The following TENM3 variants were observed in gnomAD, a reference collection of about 807,000 sequenced individuals.
TENM3 encodes the protein teneurin transmembrane protein 3.
TENM3 carries 63 observed loss-of-function variants against 255.1 expected under a neutral mutation model. The observed-to-expected ratio is 0.25, with a 90% CI of 0.20 to 0.30. The LOEUF (loss-of-function observed/expected upper bound fraction) is 0.30, where lower values mean the gene tolerates loss of function less well. Ranked by LOEUF, TENM3 falls within the 10% of genes least tolerant of loss-of-function variation. The probability of loss-of-function intolerance (pLI) is 1.00; values close to 1 mark genes in which losing one functional copy is unlikely to be tolerated. For synonymous variants in TENM3, 1,306 were observed against 1,322.3 expected, an observed-to-expected ratio of 0.99 and a Z score of 0.27; for missense variants, 2,929 against 3,461.1, an observed-to-expected ratio of 0.85 and a Z score of 3.86.
At chr4:181,735,946 G>T in the TENM3 span, among the ~76,000 whole-genome samples, 2 of 152,198 alleles carry the variant, frequency 1.3e-5, no homozygotes, top group Non-Finnish European at 2.9e-5. Flanking sequence ...TGCTACGTGT[G>T]ATTTTGAACC....
the TENM3 span, among the ~76,000 whole-genome samples, chr4:182,117,827 A>G: frequency 6.6e-6 from 1 of 152,160 alleles, no homozygotes; most frequent in Non-Finnish European, 1.5e-5. Context: ...ATGCACAAAA[A>G]AACTTACTAA....
chr4:182,520,457 A>G (rs979268595), intron 3 of TENM3, among the ~76,000 whole-genome samples: 1 of 152,208 alleles, frequency 6.6e-6, no homozygotes, highest in African/African-American at 2.4e-5. Flanking sequence ...CAAAGATTTC[A>G]TATTGCTTTT....
At chr4:182,520,266 AT>A (rs1336617305) in intron 3 of TENM3, among the ~76,000 whole-genome samples, 1 of 152,210 alleles carries the variant, frequency 6.6e-6, no homozygotes, top group Non-Finnish European at 1.5e-5. Flanking sequence ...GTATAAAAAA[AT>A]CAATTGTATT....
intron 4 of TENM3, among the ~76,000 whole-genome samples, chr4:182,622,930 C>A (rs1232895307): frequency 3.9e-5 from 6 of 152,046 alleles, no homozygotes; most frequent in African/African-American, 1.4e-4. Flanking sequence ...CATTCATAGT[C>A]CATCAGTATA....
chr4:181,451,847 T>G, the TENM3 span, among the ~76,000 whole-genome samples: 1 of 152,182 alleles, frequency 6.6e-6, no homozygotes, highest in African/African-American at 2.4e-5. Context: ...TTATAGACAT[T>G]GACTTTTAGA....
chr4:181,703,252 A>G, the TENM3 span, among the ~76,000 whole-genome samples: 1 of 152,226 alleles, frequency 6.6e-6, no homozygotes, highest in Non-Finnish European at 1.5e-5. Context: ...GGAGTCGTAC[A>G]TTGCATAGAA....
chr4:182,109,620 G>A, the TENM3 span, among the ~76,000 whole-genome samples: 1 of 152,228 alleles, frequency 6.6e-6, no homozygotes, highest in Non-Finnish European at 1.5e-5. Flanking sequence ...GTAGCCCAGA[G>A]TAGGGGCACA....
At chr4:182,032,385 A>T in the TENM3 span, among the ~76,000 whole-genome samples, 1 of 152,174 alleles carries the variant, frequency 6.6e-6, no homozygotes, top group Admixed American at 6.5e-5. Flanking sequence ...CGATCCTTTC[A>T]TCTGGGGATG....
At chr4:182,092,671 A>G in the TENM3 span, among the ~76,000 whole-genome samples, 21 of 152,350 alleles carry the variant, frequency 1.4e-4, no homozygotes, top group African/African-American at 4.6e-4. Context: ...ACATAAATCT[A>G]TAAATAAATA....
chr4:182,736,368 T>C (rs920259853), intron 16 of TENM3, among the ~76,000 whole-genome samples: 2 of 152,230 alleles, frequency 1.3e-5, no homozygotes, highest in Non-Finnish European at 2.9e-5. Context: ...TACAAATGTC[T>C]GCTCTAATTC....
chr4:182,100,610 CACAT>C, the TENM3 span, among the ~76,000 whole-genome samples: 1 of 115,338 alleles, frequency 8.7e-6, no homozygotes. Context: ...CATATATACA[CACAT>C]ATATATACAC....
chr4:182,258,835 T>A (rs1240803899), intron 1 of TENM3, among the ~76,000 whole-genome samples: 2 of 152,168 alleles, frequency 1.3e-5, no homozygotes, highest in Non-Finnish European at 2.9e-5. Flanking sequence ...TCATCCAGCA[T>A]TGGTTACATA....
rs569343959 is a variant in TENM3, at chr4:182,201,159, A to G, written c.-76+56405A>G. 4.0e-4 allele frequency among the ~76,000 whole-genome samples: 61 copies of G among 152,298 alleles called. 1 individual carries two copies. The highest frequency in any genetic ancestry group is 3.0e-3 in the Admixed American group (46 of 15,302). On this transcript the variant is annotated intron_variant, in intron 1 of 2. Transcript: ENST00000512480. Reference sequence around the variant, plus strand: ...TTTTTTAATTAAAGAAGAGACAACCACTACTTTAAATAACCAGATAGTACG... The same window carrying G: ...TTTTTTAATTAAAGAAGAGACAACCGCTACTTTAAATAACCAGATAGTACG...
At chr4:181,463,348 T>A in the TENM3 span, among the ~76,000 whole-genome samples, 1 of 152,234 alleles carries the variant, frequency 6.6e-6, no homozygotes, top group East Asian at 1.9e-4. Context: ...ATCTTGCCTG[T>A]TGTATACATT....
Position 182,638,029 on chromosome 4 carries a change from GAA to G in TENM3, c.988+9144_988+9145del, listed in dbSNP as rs879711321. ...ATGAAAATTTATCCATGTGTTAGGG[GAA>G]AAATTTTTTTTTTTTTTAGTTTTCA... On this transcript the variant is annotated intron_variant, in intron 5 of 27. Coordinates refer to ENST00000511685, the MANE Select transcript of TENM3 (RefSeq NM_001080477.4). 1.7e-4 allele frequency among the ~76,000 whole-genome samples: 19 copies of G among 110,964 alleles called. No individual in the cohort carries two copies. The South Asian group carries it at 5.5e-3, about 32-fold the overall frequency. The allele number at this position is 110,964 out of a possible 152,430, so 72.8% of individuals were successfully genotyped here. A position where few individuals can be genotyped will look rare whatever the true frequency, so the allele number is the denominator to read the frequency against.
chr4:181,588,406 G>A, the TENM3 span, among the ~76,000 whole-genome samples: 1 of 152,172 alleles, frequency 6.6e-6, no homozygotes, highest in East Asian at 1.9e-4. Context: ...AGACATCTCT[G>A]GCTGGAGAAA....
chr4:182,486,782 G>A lies in TENM3; in HGVS notation c.512-114142G>A, dbSNP rs548159163. Among the ~76,000 whole-genome samples, 255 of 152,202 alleles carry A rather than the reference G, an allele frequency of 1.7e-3. 1 individual carries two copies. Among genetic ancestry groups the A allele is most frequent in the Middle Eastern group, 3.4e-3 (1 of 294 alleles). On this transcript the variant is annotated intron_variant, in intron 3 of 27. Transcript: ENST00000511685. ...GTGGTCCAGATTGTCTTATTGTAAA[G>A]GGCTAAGCTTAATATAGATAACCCT...
chr4:182,755,321 A>G (rs1762648509), intron 22 of TENM3, 62 bp downstream of exon 22: 2 of 1,292,406 alleles, frequency 1.5e-6, no homozygotes, highest in Admixed American at 2.7e-5. Flanking sequence ...ATCATCTATA[A>G]TAACAATATA....
intron 4 of TENM3, among the ~76,000 whole-genome samples, chr4:182,617,156 G>C (rs1223925446): frequency 7.2e-5 from 11 of 152,032 alleles, no homozygotes; most frequent in Admixed American, 7.2e-4. Context: ...TACCTTATTT[G>C]TTTCAAATAC....
Sources: gnomAD v4.1 joint callset for allele counts (sites outside exome capture counted in the v4.1 genomes callset) on GRCh38, gnomAD v4.1.1 for gene constraint, MANE v1.5 for transcripts, NCBI Gene and HGNC (gene_info 2026-07-23, HGNC 2026-07-21) for gene names.